Variants in PTPRN2 observed in about 807,000 individuals in gnomAD.
The protein encoded by PTPRN2 is protein tyrosine phosphatase receptor type N2, also known as receptor-type tyrosine-protein phosphatase N2.
In PTPRN2, 74 loss-of-function variants were observed where a neutral mutation model predicts 118.8. The ratio of observed to expected loss-of-function variants is 0.62; its 90% CI spans 0.52 to 0.76. PTPRN2 has a LOEUF of 0.76. PTPRN2 is among the 30% of genes least tolerant of loss of function. The pLI, the probability that PTPRN2 is intolerant of heterozygous loss-of-function variation, is 0.00. For synonymous variants in PTPRN2, 641 were observed against 608.0 expected, an observed-to-expected ratio of 1.05 and a Z score of -0.80; for missense variants, 1,481 against 1,394.4, an observed-to-expected ratio of 1.06 and a Z score of -0.99.
chr7:157,835,050 T>C (rs1228289837), intron 12 of PTPRN2, among the ~76,000 whole-genome samples: 1 of 152,122 alleles, frequency 6.6e-6, no homozygotes, highest in Non-Finnish European at 1.5e-5. Context: ...AGATTTCTCT[T>C]CTCTTCCTTT....
chr7:158,465,631 A>T (rs1819333414), intron 2 of PTPRN2, among the ~76,000 whole-genome samples: 1 of 152,218 alleles, frequency 6.6e-6, no homozygotes, highest in Non-Finnish European at 1.5e-5. Flanking sequence ...AAGAGTCAGT[A>T]CTTGGAAGCA....
intron 12 of PTPRN2, among the ~76,000 whole-genome samples, chr7:157,798,518 C>T (rs1805018526): frequency 6.6e-6 from 1 of 152,026 alleles, no homozygotes; most frequent in Admixed American, 6.6e-5. Context: ...CACGGACACA[C>T]ACAGACACAC....
chr7:158,324,020 C>T (rs183628046), intron 2 of PTPRN2, among the ~76,000 whole-genome samples: 1 of 103,592 alleles, frequency 9.7e-6, no homozygotes, highest in South Asian at 4.1e-4. Flanking sequence ...ATTATGCAGA[C>T]ACACACACAG....
At chr7:158,567,809 C>T (rs1827752430) in intron 1 of PTPRN2, among the ~76,000 whole-genome samples, 1 of 152,188 alleles carries the variant, frequency 6.6e-6, no homozygotes, top group Admixed American at 6.5e-5. Context: ...AATGGTGAAC[C>T]CCCATCTCAC....
At chr7:158,260,877 G>A (rs1327444942) in intron 3 of PTPRN2, among the ~76,000 whole-genome samples, 3 of 152,190 alleles carry the variant, frequency 2.0e-5, no homozygotes, top group Non-Finnish European at 4.4e-5. Context: ...TGCCACTCTG[G>A]CAGGTCCTCA....
At chr7:157,807,166 G>C (rs895551906) in intron 12 of PTPRN2, among the ~76,000 whole-genome samples, 1 of 152,228 alleles carries the variant, frequency 6.6e-6, no homozygotes, top group Non-Finnish European at 1.5e-5. Flanking sequence ...GTACCACCAG[G>C]GAACTGTGCC....
intron 14 of PTPRN2, among the ~76,000 whole-genome samples, chr7:157,625,551 G>C (rs186825255): frequency 1.3e-5 from 2 of 152,236 alleles, no homozygotes; most frequent in African/African-American, 4.8e-5. Context: ...GCATAAGAAA[G>C]ATACAATGGA....
At chr7:158,145,637 C>T (rs73173618) in intron 6 of PTPRN2, among the ~76,000 whole-genome samples, 16,421 of 152,290 alleles carry the variant, frequency 0.11, 1,027 homozygotes, top group African/African-American at 0.17. Context: ...CGTGGAGCTG[C>T]CAGTACTGAA....
intron 9 of PTPRN2, among the ~76,000 whole-genome samples, chr7:158,129,144 CACAT>C (rs1817945141): frequency 6.6e-6 from 1 of 150,980 alleles, no homozygotes; most frequent in South Asian, 2.1e-4. Flanking sequence ...ACACACTACA[CACAT>C]ACACTACACA....
At chr7:158,512,189 C>T (rs542731364) in intron 1 of PTPRN2, among the ~76,000 whole-genome samples, 6 of 152,304 alleles carry the variant, frequency 3.9e-5, no homozygotes, top group South Asian at 4.2e-4. Flanking sequence ...GCTCTGGAAA[C>T]GAGCAGAGCC....
intron 12 of PTPRN2, among the ~76,000 whole-genome samples, chr7:157,769,479 T>C (rs181510406): frequency 6.6e-6 from 1 of 152,076 alleles, no homozygotes; most frequent in African/African-American, 2.4e-5. Context: ...ATCACAGCAA[T>C]GTCAACAGGC....
At chr7:157,816,636 C>T (rs1001581412) in intron 12 of PTPRN2, among the ~76,000 whole-genome samples, 2 of 152,206 alleles carry the variant, frequency 1.3e-5, no homozygotes, top group Non-Finnish European at 2.9e-5. Context: ...CTGAAGCCCC[C>T]GCAGTCTACA....
rs142659307 is a variant in PTPRN2 at position 158,056,429 on chromosome 7, GAA to G, written c.1723+24867_1723+24868del. 2.1e-3 allele frequency among the ~76,000 whole-genome samples: 322 copies of G among 152,374 alleles called. 3 individuals carry two copies. Among genetic ancestry groups the G allele is most frequent in the South Asian group, 0.014 (70 of 4,830 alleles). On this transcript the variant is annotated intron_variant, in intron 11 of 22. Transcript: ENST00000389418. ...TCTCCGTCCTCCCATGAGCCCAGGG[GAA>G]AGTGTTGGGAAAAACACATTTGTAA...
At chr7:158,095,864 C>T (rs138959586) in intron 10 of PTPRN2, among the ~76,000 whole-genome samples, 289 of 152,264 alleles carry the variant, frequency 1.9e-3, no homozygotes, top group African/African-American at 6.5e-3. Context: ...AGGCGTGAGC[C>T]GCCGCACCAG....
intron 12 of PTPRN2, among the ~76,000 whole-genome samples, chr7:157,722,815 G>A (rs550796749): frequency 1.7e-4 from 26 of 152,206 alleles, no homozygotes; most frequent in Middle Eastern, 6.8e-3. Context: ...AGGGGTGAGC[G>A]AGGCGGTGCA....
chr7:158,504,293 C>A (rs543971858), intron 1 of PTPRN2, among the ~76,000 whole-genome samples: 21 of 152,172 alleles, frequency 1.4e-4, no homozygotes, highest in African/African-American at 4.8e-4. Context: ...ACAGAGCATC[C>A]CCTCACCTGG....
intron 3 of PTPRN2, among the ~76,000 whole-genome samples, chr7:158,206,024 G>A (rs576877546): frequency 2.0e-5 from 3 of 152,142 alleles, no homozygotes; most frequent in Non-Finnish European, 4.4e-5. Context: ...CAATTCCTGG[G>A]CAAGTCCTGG....
At chr7:158,379,588 A>G (rs1810802642) in intron 2 of PTPRN2, among the ~76,000 whole-genome samples, 1 of 151,914 alleles carries the variant, frequency 6.6e-6, no homozygotes, top group Admixed American at 6.6e-5. Flanking sequence ...GGTTCCTAAG[A>G]AATAGCACAG....
At chr7:158,337,497 T>A (rs1805885150) in intron 2 of PTPRN2, among the ~76,000 whole-genome samples, 1 of 151,068 alleles carries the variant, frequency 6.6e-6, no homozygotes, top group Admixed American at 6.6e-5. Context: ...CCTGCAGACG[T>A]CACTCGCACC....
Sources: gnomAD v4.1 joint callset for allele counts (sites outside exome capture counted in the v4.1 genomes callset) on GRCh38, gnomAD v4.1.1 for gene constraint, MANE v1.5 for transcripts, NCBI Gene and HGNC (gene_info 2026-07-23, HGNC 2026-07-21) for gene names.